RBFOX1: variants seen among roughly 807,000 people sequenced by gnomAD.
RBFOX1 encodes RNA binding protein fox-1 homolog 1.
In RBFOX1, 8 loss-of-function variants were observed where a neutral mutation model predicts 57.7. The observed-to-expected ratio is 0.14, with a 90% CI of 0.08 to 0.25. RBFOX1 has a LOEUF of 0.25. Among genes scored for constraint, RBFOX1 ranks in the 10% least tolerant of loss-of-function variants. The pLI, the probability that RBFOX1 is intolerant of heterozygous loss-of-function variation, is 1.00. For synonymous variants in RBFOX1, 326 were observed against 222.4 expected (o/e 1.47, Z -4.15); for missense variants, 611 against 548.5 (o/e 1.11, Z -1.14).
At chr16:6,459,709 G>A (rs927540006) in intron 2 of RBFOX1, among the ~76,000 whole-genome samples, 1 of 151,872 alleles carries the variant, frequency 6.6e-6, no homozygotes, top group Non-Finnish European at 1.5e-5. Context: ...GGGCACAGTG[G>A]CTCATGACTG....
chr16:7,107,369 C>G (rs534534150), intron 4 of RBFOX1, among the ~76,000 whole-genome samples: 3 of 152,114 alleles, frequency 2.0e-5, no homozygotes, highest in Non-Finnish European at 2.9e-5. Context: ...TTAGCTCAAA[C>G]TGGAAGGGGG....
intron 4 of RBFOX1, among the ~76,000 whole-genome samples, chr16:7,154,075 C>A (rs886584249): frequency 6.6e-6 from 1 of 152,100 alleles, no homozygotes; most frequent in Non-Finnish European, 1.5e-5. Flanking sequence ...AAATAATGGG[C>A]TAGAACTTAC....
chr16:6,038,890 A>G (rs1344884049), intron 1 of RBFOX1: 2 of 149,880 alleles, frequency 1.3e-5, no homozygotes, highest in African/African-American at 2.5e-5. Context: ...CAGTGATTCT[A>G]TTGGACTCAT....
intron 4 of RBFOX1, among the ~76,000 whole-genome samples, chr16:7,239,959 C>G (rs1214505353): frequency 6.6e-6 from 1 of 152,086 alleles, no homozygotes; most frequent in Admixed American, 6.6e-5. Flanking sequence ...CCTGTTGAAA[C>G]TATAAGATGA....
chr16:6,444,521 A>T (rs991160952), intron 2 of RBFOX1, among the ~76,000 whole-genome samples: 35 of 152,268 alleles, frequency 2.3e-4, no homozygotes, highest in African/African-American at 7.9e-4. Flanking sequence ...TCCCTGCACA[A>T]GCTCTCTCTC....
chr16:7,275,203 A>G (rs1428797561), intron 4 of RBFOX1, among the ~76,000 whole-genome samples: 1 of 152,144 alleles, frequency 6.6e-6, no homozygotes, highest in Non-Finnish European at 1.5e-5. Flanking sequence ...CAGACAATCG[A>G]CATCACATGC....
intron 4 of RBFOX1, among the ~76,000 whole-genome samples, chr16:7,164,251 T>C (rs1166795565): frequency 6.6e-6 from 1 of 152,216 alleles, no homozygotes; most frequent in African/African-American, 2.4e-5. Flanking sequence ...TCACCTAGAA[T>C]AATGGTTTTC....
intron 2 of RBFOX1, among the ~76,000 whole-genome samples, chr16:5,468,698 A>C (rs1190591195): frequency 6.6e-6 from 1 of 152,236 alleles, no homozygotes; most frequent in Non-Finnish European, 1.5e-5. Flanking sequence ...AATATTATAC[A>C]GCCATAAAAA....
rs958776589 is a variant in RBFOX1, at chr16:6,425,285, C to G, written c.-64+108228C>G. 4.6e-5 allele frequency among the ~76,000 whole-genome samples: 7 copies of G among 152,270 alleles called. 1 individual carries two copies. The highest frequency in any genetic ancestry group is 1.4e-4 in the African/African-American group (6 of 41,560). ...GAAGTTTGGGGAGGGTAACATTGGG[C>G]TCTCACTTTAAGCATTGATAGCTAA... On this transcript the variant is annotated intron_variant, in intron 2 of 15. Transcript: ENST00000550418.
chr16:6,480,574 A>C (rs1313836521), intron 2 of RBFOX1, among the ~76,000 whole-genome samples: 5 of 152,326 alleles, frequency 3.3e-5, no homozygotes. Context: ...GAAACAGAGA[A>C]TGGCTGAGTT....
At chr16:6,616,593 A>T (rs964502395) in intron 2 of RBFOX1, among the ~76,000 whole-genome samples, 12 of 152,162 alleles carry the variant, frequency 7.9e-5, no homozygotes, top group Non-Finnish European at 1.6e-4. Flanking sequence ...GGAGAATAGC[A>T]TGAACCTGGA....
intron 1 of RBFOX1, among the ~76,000 whole-genome samples, chr16:5,287,658 T>C (rs974193442): frequency 1.3e-5 from 2 of 152,212 alleles, no homozygotes; most frequent in South Asian, 4.1e-4. Flanking sequence ...GTGTCTCTTA[T>C]CTTCCGCTGG....
At chr16:6,855,465 C>G (rs1207841025) in intron 3 of RBFOX1, among the ~76,000 whole-genome samples, 3 of 151,980 alleles carry the variant, frequency 2.0e-5, no homozygotes, top group South Asian at 2.1e-4. Flanking sequence ...TCCTGGCTAA[C>G]ACAGTGAAAC....
chr16:6,630,067 G>T (rs1454505747), intron 2 of RBFOX1, among the ~76,000 whole-genome samples: 1 of 150,552 alleles, frequency 6.6e-6, no homozygotes, highest in African/African-American at 2.4e-5. Context: ...GGTTTCTTCT[G>T]ACAGGAAGAG....
At chr16:5,489,191 C>T (rs749044633) in intron 2 of RBFOX1, among the ~76,000 whole-genome samples, 1 of 152,220 alleles carries the variant, frequency 6.6e-6, no homozygotes, top group Non-Finnish European at 1.5e-5. Flanking sequence ...TTCCTAGGCG[C>T]AGTTGGCTTT....
chr16:6,314,206 G>C (rs961287249), intron 1 of RBFOX1, among the ~76,000 whole-genome samples: 1 of 152,100 alleles, frequency 6.6e-6, no homozygotes. Context: ...AACCCTCTGG[G>C]GCAAGGAAGA....
intron 4 of RBFOX1, among the ~76,000 whole-genome samples, chr16:7,220,243 C>T (rs183655043): frequency 2.6e-5 from 4 of 152,166 alleles, no homozygotes; most frequent in African/African-American, 9.6e-5. Context: ...AAGGATAATT[C>T]AATATAGTAC....
chr16:6,530,291 T>G (rs1165082951), intron 2 of RBFOX1, among the ~76,000 whole-genome samples: 3 of 152,122 alleles, frequency 2.0e-5, no homozygotes, highest in African/African-American at 7.2e-5. Context: ...GTGCTTGCAT[T>G]CCTCTTATTT....
At chr16:5,620,480 C>T (rs2048169921) in intron 3 of RBFOX1, among the ~76,000 whole-genome samples, 1 of 152,166 alleles carries the variant, frequency 6.6e-6, no homozygotes, top group Non-Finnish European at 1.5e-5. Context: ...TGCATTTTCT[C>T]ATAGTTCTGG....
Sources: allele counts gnomAD v4.1 joint callset (sites outside exome capture counted in the v4.1 genomes callset), GRCh38; gene constraint gnomAD v4.1.1; transcripts MANE v1.5; gene names NCBI Gene and HGNC (gene_info 2026-07-23, HGNC 2026-07-21).